POU2F1: variants seen among roughly 807,000 people sequenced by gnomAD.
POU2F1 encodes POU class 2 homeobox 1.
In POU2F1, 16 loss-of-function variants were observed where a neutral mutation model predicts 84.9. The ratio of observed to expected loss-of-function variants is 0.19; its 90% CI spans 0.13 to 0.29. The LOEUF (loss-of-function observed/expected upper bound fraction) is 0.29. Among genes scored for constraint, POU2F1 ranks in the 10% least tolerant of loss-of-function variants. The pLI, the probability that POU2F1 is intolerant of heterozygous loss-of-function variation, is 1.00. For missense variants in POU2F1, 738 were observed against 942.6 expected (o/e 0.78, Z 2.84); for synonymous variants, 368 against 368.3 (o/e 1.00, Z 0.01).
chr1:167,294,172 CA>C (rs60846607), intron 1 of POU2F1, among the ~76,000 whole-genome samples: 2,567 of 30,900 alleles, frequency 0.083, 40 homozygotes, highest in African/African-American at 0.11. Context: ...TACTAAAATA[CA>C]AAAAAAAAAA....
intron 1 of POU2F1, among the ~76,000 whole-genome samples, chr1:167,230,474 A>G (rs971532535): frequency 6.6e-6 from 1 of 152,072 alleles, no homozygotes; most frequent in Non-Finnish European, 1.5e-5. Flanking sequence ...TTAAAATTGG[A>G]TATTGGAGCA....
intron 1 of POU2F1, among the ~76,000 whole-genome samples, chr1:167,264,186 G>A (rs1651777709): frequency 6.6e-6 from 1 of 151,906 alleles, no homozygotes; most frequent in Non-Finnish European, 1.5e-5. Context: ...ATAGTGGTAT[G>A]TCAGGAAAGG....
intron 1 of POU2F1, among the ~76,000 whole-genome samples, chr1:167,271,363 A>G (rs992722347): frequency 6.6e-6 from 1 of 152,354 alleles, no homozygotes; most frequent in Non-Finnish European, 1.5e-5. Flanking sequence ...ATTTGTGACT[A>G]AAACTTGCCT....
intron 9 of POU2F1, among the ~76,000 whole-genome samples, chr1:167,390,714 C>T (rs547518225): frequency 3.9e-5 from 6 of 152,184 alleles, no homozygotes; most frequent in South Asian, 2.1e-4. Context: ...TGCTTGAGCC[C>T]GGGAGGTCGA....
chr1:167,239,233 AAAAG>A (rs1649727834), intron 1 of POU2F1, among the ~76,000 whole-genome samples: 1 of 152,246 alleles, frequency 6.6e-6, no homozygotes, highest in African/African-American at 2.4e-5. Context: ...AACTGACAGA[AAAAG>A]AACACTAGAT....
At position 167,416,087 on chromosome 1, in the gene POU2F1, T is replaced by TAAAAAAAAAAAAAAAAAGAAAACAAAAAA; in HGVS notation, c.*294_*295insGAAAACAAAAAAAAAAAAAAAAAAAAAAA. 2.8e-6 allele frequency: 1 copy of TAAAAAAAAAAAAAAAAAGAAAACAAAAAA among 351,044 alleles called. No homozygotes were observed. The highest frequency in any genetic ancestry group is 8.0e-5 in the East Asian group (1 of 12,468). 21.7% of individuals were successfully genotyped at this position (351,044 alleles called of 1,614,324 possible). A position where few individuals can be genotyped will look rare whatever the true frequency, so the allele number is the denominator to read the frequency against. On this transcript the variant is annotated 3_prime_UTR_variant, in exon 16 of 16. Transcript: ENST00000367866. ...ATTGGAGAACTTTCTAACCAAAAAT[T>TAAAAAAAAAAAAAAAAAGAAAACAAAAAA]AAAAAAAAAAAAAAAAAAAGAAACA... is the stretch of plus-strand genomic sequence containing the variant.
chr1:167,224,938 C>G (rs1287113893), intron 1 of POU2F1, among the ~76,000 whole-genome samples: 1 of 151,024 alleles, frequency 6.6e-6, no homozygotes, highest in African/African-American at 2.4e-5. Flanking sequence ...CAGTGATTCT[C>G]CTGCCTCAGC....
chr1:167,313,703 C>G (rs184538862), intron 1 of POU2F1, among the ~76,000 whole-genome samples: 16 of 152,282 alleles, frequency 1.1e-4, no homozygotes, highest in Admixed American at 7.2e-4. Flanking sequence ...TTAAACGTGA[C>G]ACCAAACATA....
At chr1:167,411,095 A>G (rs1051911669) in intron 13 of POU2F1, among the ~76,000 whole-genome samples, 10 of 149,840 alleles carry the variant, frequency 6.7e-5, no homozygotes, top group Non-Finnish European at 1.2e-4. Context: ...GCTGGAGTGC[A>G]GTGGCGCAAT....
chr1:167,231,177 A>G (rs1159834549), intron 1 of POU2F1, among the ~76,000 whole-genome samples: 2 of 152,196 alleles, frequency 1.3e-5, no homozygotes, highest in African/African-American at 4.8e-5. Context: ...AATTTTTCCA[A>G]CCCATAGGAT....
At chr1:167,404,592 G>A (rs1428854583) in intron 13 of POU2F1, among the ~76,000 whole-genome samples, 1 of 152,082 alleles carries the variant, frequency 6.6e-6, no homozygotes, top group Non-Finnish European at 1.5e-5. Flanking sequence ...GGTGACTTTG[G>A]TTCTGTTCAT....
In POU2F1 at chr1:167,424,427, T is replaced by G. The variant is rs538344618; in HGVS notation, c.*8617T>G. ...GAAACGCTCTCCTCCCGCATAAGTC[T>G]GTACTTCCATCCCCTCATCTGTGGT... On this transcript the variant is annotated 3_prime_UTR_variant, in exon 16 of 16. Transcript: ENST00000367866. The G allele has an allele frequency of 2.6e-5, 4 of 152,458 alleles. No individual in the cohort carries two copies. Among genetic ancestry groups the G allele is most frequent in the African/African-American group, 9.6e-5 (4 of 41,598 alleles). 9.4% of individuals were successfully genotyped at this position (152,458 alleles called of 1,614,324 possible). A position where few individuals can be genotyped will look rare whatever the true frequency, so the allele number is the denominator to read the frequency against.
chr1:167,328,904 C>G (rs1300719683), intron 1 of POU2F1: 1 of 331,006 alleles, frequency 3.0e-6, no homozygotes, highest in African/African-American at 2.2e-5. Flanking sequence ...TGCATAAGGC[C>G]CTAATCACGC....
intron 9 of POU2F1, 70 bp downstream of exon 9, chr1:167,389,831 C>G (rs1446787908): frequency 5.3e-6 from 8 of 1,498,360 alleles, no homozygotes; most frequent in Non-Finnish European, 7.3e-6. Flanking sequence ...TCTCTGTATT[C>G]ATGGATTCCA....
intron 2 of POU2F1, among the ~76,000 whole-genome samples, chr1:167,337,415 G>A (rs1357291596): frequency 6.6e-6 from 1 of 152,142 alleles, no homozygotes; most frequent in African/African-American, 2.4e-5. Flanking sequence ...AATGTGATTT[G>A]AGAGGAAGCA....
intron 1 of POU2F1, among the ~76,000 whole-genome samples, chr1:167,307,748 C>T (rs997960969): frequency 3.3e-5 from 5 of 152,078 alleles, no homozygotes; most frequent in African/African-American, 9.7e-5. Flanking sequence ...TCGACTAATC[C>T]GTAGACCCTA....
intron 2 of POU2F1, among the ~76,000 whole-genome samples, chr1:167,363,218 A>T (rs1310496628): frequency 6.6e-6 from 1 of 152,186 alleles, no homozygotes; most frequent in Non-Finnish European, 1.5e-5. Flanking sequence ...GAATTTTCAC[A>T]AACTCCATGA....
At chr1:167,283,643 T>G (rs77518834) in intron 1 of POU2F1, among the ~76,000 whole-genome samples, 5,435 of 152,276 alleles carry the variant, frequency 0.036, 186 homozygotes, top group African/African-American at 0.09. Context: ...TTGCACTTTG[T>G]GGGTAGGAAT....
intron 2 of POU2F1, among the ~76,000 whole-genome samples, chr1:167,344,900 G>A (rs1244434486): frequency 2.6e-5 from 4 of 152,138 alleles, no homozygotes; most frequent in South Asian, 2.1e-4. Flanking sequence ...GAATGAGATC[G>A]TGTCCTTTGC....
Sources: gnomAD v4.1 joint callset for allele counts (sites outside exome capture counted in the v4.1 genomes callset) on GRCh38, gnomAD v4.1.1 for gene constraint, MANE v1.5 for transcripts, NCBI Gene and HGNC (gene_info 2026-07-23, HGNC 2026-07-21) for gene names.